The following CDH4 variants were observed in gnomAD, a reference collection of about 807,000 sequenced individuals.
CDH4 encodes cadherin 4, also known as cadherin-4.
CDH4 carries 33 observed loss-of-function variants against 86.0 expected under a neutral mutation model. The ratio of observed to expected loss-of-function variants is 0.38; its 90% confidence interval spans 0.29 to 0.51. The LOEUF is 0.51. Among genes scored for constraint, CDH4 ranks in the 20% least tolerant of loss-of-function variants. The pLI, the probability that CDH4 is intolerant of heterozygous loss-of-function variation, is 0.86. For synonymous variants in CDH4, 555 were observed against 549.4 expected (o/e 1.01, Z -0.14); for missense variants, 1,114 against 1,307.4 (o/e 0.85, Z 2.28).
chr20:61,667,164 G>A (rs531366240), intron 2 of CDH4, among the ~76,000 whole-genome samples: 1 of 152,002 alleles, frequency 6.6e-6, no homozygotes, highest in African/African-American at 2.4e-5. Flanking sequence ...GCCAGCACCT[G>A]GAGCCACAGT....
intron 14 of CDH4, 135 bp downstream of exon 14, chr20:61,933,259 C>T (rs112191855): frequency 4.6e-5 from 52 of 1,140,928 alleles, no homozygotes; most frequent in Admixed American, 1.4e-4. Flanking sequence ...CAGGCAGGGG[C>T]GCACGGTTTC....
intron 2 of CDH4, among the ~76,000 whole-genome samples, chr20:61,591,485 T>C (rs2086518879): frequency 6.6e-6 from 1 of 152,160 alleles, no homozygotes; most frequent in Admixed American, 6.5e-5. Flanking sequence ...TTGTGATGCA[T>C]TGTTTGGGTT....
In CDH4 at chr20:61,393,464, A is replaced by G. The variant is rs1421753801; in HGVS notation, c.169+138527A>G. Among the ~76,000 whole-genome samples, 4 of 152,218 alleles carry G rather than the reference A, an allele frequency of 2.6e-5. No individual in the cohort carries two copies. Among genetic ancestry groups the G allele is most frequent in the African/African-American group, 9.7e-5 (4 of 41,444 alleles). On this transcript the variant is annotated intron_variant, in intron 2 of 15. Transcript: ENST00000614565. The surrounding 1 kb of genome is among the most constrained non-coding windows in gnomAD (Gnocchi z 4.3). ...AAACCTGGATGCTTTGATCGCTGGC[A>G]GTAAGCGACACGCTGAACCACAACT... is the stretch of plus-strand genomic sequence containing the variant.
At chr20:61,717,734 G>T (rs6061763) in intron 2 of CDH4, 49,786 of 152,058 alleles carry the variant, frequency 0.33, 10,194 homozygotes, top group African/African-American at 0.57. Context: ...GTGATCTGCC[G>T]GCCTCGGCCT....
chr20:61,862,389 T>C (rs1983368989), intron 6 of CDH4, among the ~76,000 whole-genome samples: 2 of 152,180 alleles, frequency 1.3e-5, no homozygotes, highest in Non-Finnish European at 1.5e-5. Context: ...TCTCCCAAGG[T>C]GGACTCATTC....
chr20:61,793,796 G>A (rs747053428), intron 4 of CDH4, among the ~76,000 whole-genome samples: 89 of 145,360 alleles, frequency 6.1e-4, no homozygotes, highest in East Asian at 2.1e-3. Flanking sequence ...CCGAGATCAC[G>A]CCACTGCACT....
intron 2 of CDH4, among the ~76,000 whole-genome samples, chr20:61,556,325 T>A (rs1473226434): frequency 1.3e-5 from 2 of 152,156 alleles, no homozygotes; most frequent in Non-Finnish European, 2.9e-5. Flanking sequence ...CTCAGGCCTT[T>A]TATGATTCAG....
intron 2 of CDH4, among the ~76,000 whole-genome samples, chr20:61,527,399 G>A (rs1449195473): frequency 5.9e-5 from 9 of 152,052 alleles, no homozygotes; most frequent in South Asian, 2.1e-4. Context: ...ACAGGTGTGC[G>A]CCACCACGCC....
At chr20:61,822,105 C>G (rs1339228676) in intron 4 of CDH4, among the ~76,000 whole-genome samples, 1 of 152,240 alleles carries the variant, frequency 6.6e-6, no homozygotes, top group Non-Finnish European at 1.5e-5. Flanking sequence ...TAAACTTCAT[C>G]TCATTAATGA....
At chr20:61,437,674 C>G (rs2085291997) in intron 2 of CDH4, 1 of 152,162 alleles carries the variant, frequency 6.6e-6, no homozygotes, top group Admixed American at 6.5e-5. Flanking sequence ...CTCCCAAGTG[C>G]CACTGTGCAT....
intron 2 of CDH4, among the ~76,000 whole-genome samples, chr20:61,615,500 A>G (rs1294252770): frequency 6.6e-6 from 1 of 152,242 alleles, no homozygotes; most frequent in Non-Finnish European, 1.5e-5. Flanking sequence ...GCCCACGTGC[A>G]GCTTATTTGC....
chr20:61,280,360 G>A (rs1264781503), intron 2 of CDH4, among the ~76,000 whole-genome samples: 1 of 152,248 alleles, frequency 6.6e-6, no homozygotes, highest in Non-Finnish European at 1.5e-5. Flanking sequence ...CACCCAAGCA[G>A]CCAATCCCTC....
intron 2 of CDH4, among the ~76,000 whole-genome samples, chr20:61,473,731 A>G (rs956713317): frequency 2.6e-5 from 4 of 152,118 alleles, no homozygotes; most frequent in Admixed American, 6.5e-5. Flanking sequence ...AATGGCATGC[A>G]CACATACACA....
intron 2 of CDH4, among the ~76,000 whole-genome samples, chr20:61,647,334 G>T (rs2087071526): frequency 6.6e-6 from 1 of 152,112 alleles, no homozygotes; most frequent in Admixed American, 6.5e-5. Flanking sequence ...CTCACGCTTT[G>T]CCCTAGCGCA....
At chr20:61,403,091 A>C (rs963399633) in intron 2 of CDH4, among the ~76,000 whole-genome samples, 1 of 152,110 alleles carries the variant, frequency 6.6e-6, no homozygotes, top group Admixed American at 6.5e-5. Context: ...TCCTGCCCCC[A>C]TTCTCCCTTT....
intron 2 of CDH4, among the ~76,000 whole-genome samples, chr20:61,262,964 TGA>T (rs11472416): frequency 2.6e-4 from 38 of 147,948 alleles, no homozygotes; most frequent in South Asian, 4.3e-4. Context: ...AATCATGAAC[TGA>T]GAGAGAGAGA....
intron 2 of CDH4, among the ~76,000 whole-genome samples, chr20:61,585,504 A>G (rs1294254427): frequency 6.6e-6 from 1 of 152,224 alleles, no homozygotes; most frequent in East Asian, 1.9e-4. Context: ...TTCAGTCTCC[A>G]TATTTAGAGG....
chr20:61,521,991 A>T (rs1230080286), intron 2 of CDH4, among the ~76,000 whole-genome samples: 1 of 152,230 alleles, frequency 6.6e-6, no homozygotes, highest in Non-Finnish European at 1.5e-5. Flanking sequence ...TCCGCTTATT[A>T]ATTCCCATGC....
intron 2 of CDH4, among the ~76,000 whole-genome samples, chr20:61,577,664 G>A (rs1473632975): frequency 6.6e-6 from 1 of 152,162 alleles, no homozygotes; most frequent in African/African-American, 2.4e-5. Context: ...GGTGGGCTGT[G>A]TGGGGCTACA....
Sources: allele counts gnomAD v4.1 joint callset (sites outside exome capture counted in the v4.1 genomes callset), GRCh38; gene constraint gnomAD v4.1.1; non-coding constraint Gnocchi (gnomAD v3.1); transcripts MANE v1.5; gene names NCBI Gene and HGNC (gene_info 2026-07-23, HGNC 2026-07-21).